ASTN2: variants seen among roughly 807,000 people sequenced by gnomAD.
The protein encoded by ASTN2 is astrotactin 2, also known as astrotactin-2.
A neutral mutation model predicts 139.8 loss-of-function variants in ASTN2; 54 were observed. The ratio of observed to expected loss-of-function variants is 0.39; its 90% CI spans 0.31 to 0.48. The LOEUF (loss-of-function observed/expected upper bound fraction) is 0.48, where lower values mean the gene tolerates loss of function less well. Among genes scored for constraint, ASTN2 ranks in the 20% least tolerant of loss-of-function variants. The pLI is 0.95. For synonymous variants in ASTN2, 756 were observed against 719.5 expected (o/e 1.05, Z -0.81); for missense variants, 1,565 against 1,725.1 (o/e 0.91, Z 1.64).
At chr9:116,789,964 C>T (rs1830488104) in intron 13 of ASTN2, among the ~76,000 whole-genome samples, 1 of 129,082 alleles carries the variant, frequency 7.7e-6, no homozygotes, top group Admixed American at 9.1e-5. Context: ...CTTACTCTGT[C>T]ACCCAGGCTA....
intron 11 of ASTN2, among the ~76,000 whole-genome samples, chr9:116,853,304 A>G (rs1832659230): frequency 6.6e-6 from 1 of 152,310 alleles, no homozygotes; most frequent in South Asian, 2.1e-4. Context: ...AGGAAGATTG[A>G]TGATCAGATG....
intron 4 of ASTN2, among the ~76,000 whole-genome samples, chr9:117,134,925 C>T (rs1829914527): frequency 6.6e-6 from 1 of 152,170 alleles, no homozygotes; most frequent in Non-Finnish European, 1.5e-5. Flanking sequence ...ACACTGTGGG[C>T]TCCTGAGGAC....
At chr9:117,093,825 A>T (rs1418928509) in intron 5 of ASTN2, among the ~76,000 whole-genome samples, 2 of 152,150 alleles carry the variant, frequency 1.3e-5, no homozygotes, top group South Asian at 4.1e-4. Context: ...CAGTATTAAG[A>T]AAGCTCTCCC....
intron 1 of ASTN2, among the ~76,000 whole-genome samples, chr9:117,342,800 C>G (rs1829101140): frequency 6.6e-6 from 1 of 152,140 alleles, no homozygotes; most frequent in Admixed American, 6.5e-5. Context: ...ACAATGCGGA[C>G]CAGGAACCCT....
chr9:116,944,273 C>T (rs1412457377), intron 10 of ASTN2, among the ~76,000 whole-genome samples: 1 of 152,112 alleles, frequency 6.6e-6, no homozygotes, highest in African/African-American at 2.4e-5. Flanking sequence ...ATGGAGAGAT[C>T]TACACAAATC....
At chr9:116,546,802 C>T (rs1852113826) in intron 19 of ASTN2, 1 of 152,156 alleles carries the variant, frequency 6.6e-6, no homozygotes, top group Non-Finnish European at 1.5e-5. Context: ...AAATTTCCAA[C>T]TCTCTGATGA....
intron 1 of ASTN2, among the ~76,000 whole-genome samples, chr9:117,353,705 T>C (rs780811917): frequency 3.3e-5 from 5 of 152,160 alleles, no homozygotes; most frequent in Non-Finnish European, 7.3e-5. Context: ...ATCCATTACA[T>C]GGAGTAACAT....
At chr9:116,598,852 G>C (rs1404317498) in intron 19 of ASTN2, among the ~76,000 whole-genome samples, 1 of 152,192 alleles carries the variant, frequency 6.6e-6, no homozygotes, top group Non-Finnish European at 1.5e-5. Flanking sequence ...ACAGAGCTAG[G>C]AGTCTTGTGG....
chr9:116,530,870 C>T (rs1851312665), intron 19 of ASTN2, among the ~76,000 whole-genome samples: 1 of 152,104 alleles, frequency 6.6e-6, no homozygotes, highest in African/African-American at 2.4e-5. Context: ...TTGATAATCC[C>T]CCAATAGCGG....
chr9:116,796,390 G>T (rs115001091), intron 13 of ASTN2, among the ~76,000 whole-genome samples: 1,727 of 152,206 alleles, frequency 0.011, 39 homozygotes, highest in African/African-American at 0.039. Context: ...GGTGGGTCTT[G>T]GTGCAGCCCC....
intron 10 of ASTN2, among the ~76,000 whole-genome samples, chr9:116,899,542 G>A (rs1478566753): frequency 3.3e-5 from 5 of 152,150 alleles, no homozygotes; most frequent in African/African-American, 9.7e-5. Context: ...ATATGACAGT[G>A]GAAGATATCT....
chr9:117,321,906 C>A (rs191541764), intron 1 of ASTN2, among the ~76,000 whole-genome samples: 1 of 152,164 alleles, frequency 6.6e-6, no homozygotes, highest in East Asian at 1.9e-4. Flanking sequence ...GGTCAAATGT[C>A]CTTTAGGAGA....
At chr9:116,758,285 T>C (rs1380081576) in intron 13 of ASTN2, among the ~76,000 whole-genome samples, 7 of 152,182 alleles carry the variant, frequency 4.6e-5, no homozygotes, top group Admixed American at 4.6e-4. Context: ...AATAGCAGTT[T>C]GTGGTGTGTC....
At chr9:116,967,193 G>A (rs4836917) in intron 10 of ASTN2, among the ~76,000 whole-genome samples, 40,705 of 152,050 alleles carry the variant, frequency 0.27, 5,703 homozygotes, top group Admixed American at 0.36. Flanking sequence ...GGGGCTAAAA[G>A]TTTAAGTGTT....
intron 10 of ASTN2, among the ~76,000 whole-genome samples, chr9:116,953,548 C>T (rs528384361): frequency 3.3e-5 from 5 of 152,274 alleles, no homozygotes; most frequent in African/African-American, 7.2e-5. Flanking sequence ...GGTTAGGACC[C>T]GAATTACAGA....
At chr9:116,803,183 T>C (rs1406434836) in intron 13 of ASTN2, among the ~76,000 whole-genome samples, 1 of 152,106 alleles carries the variant, frequency 6.6e-6, no homozygotes, top group Non-Finnish European at 1.5e-5. Context: ...ATTCTATCCA[T>C]GATGTTGCTC....
intron 10 of ASTN2, among the ~76,000 whole-genome samples, chr9:116,871,441 C>G (rs980612815): frequency 2.0e-5 from 3 of 152,030 alleles, no homozygotes; most frequent in African/African-American, 7.2e-5. Context: ...AAAGAGAAAC[C>G]CTGCCTCTAT....
intron 19 of ASTN2, among the ~76,000 whole-genome samples, chr9:116,507,636 T>C (rs1258601704): frequency 2.0e-5 from 3 of 152,158 alleles, no homozygotes. Context: ...TTGGAATTAG[T>C]GAATGAATGG....
chr9:116,912,300 C>T (rs1262972079), intron 10 of ASTN2, among the ~76,000 whole-genome samples: 1 of 152,228 alleles, frequency 6.6e-6, no homozygotes, highest in East Asian at 1.9e-4. Context: ...TGCAACTGTA[C>T]CATGCAACCC....
Sources: allele counts gnomAD v4.1 joint callset (sites outside exome capture counted in the v4.1 genomes callset), GRCh38; gene constraint gnomAD v4.1.1; transcripts MANE v1.5; gene names NCBI Gene and HGNC (gene_info 2026-07-23, HGNC 2026-07-21).